Variants in MAML2 observed in about 807,000 individuals in gnomAD.
The protein encoded by MAML2 is mastermind-like protein 2.
MAML2 carries 22 observed loss-of-function variants against 96.1 expected under a neutral mutation model. The observed-to-expected ratio is 0.23, with a 90% CI of 0.16 to 0.33. The LOEUF is 0.33. Among genes scored for constraint, MAML2 ranks in the 10% least tolerant of loss-of-function variants. The pLI is 1.00. For missense variants in MAML2, 1,367 were observed against 1,392.4 expected, an observed-to-expected ratio of 0.98 and a Z score of 0.29; for synonymous variants, 561 against 521.3, an observed-to-expected ratio of 1.08 and a Z score of -1.04.
At chr11:96,103,882 T>A (rs1326074134) in intron 1 of MAML2, among the ~76,000 whole-genome samples, 3 of 152,228 alleles carry the variant, frequency 2.0e-5, no homozygotes, top group Non-Finnish European at 4.4e-5. Context: ...TGTTTGTTTG[T>A]TTTTCATTCT....
At chr11:96,164,424 T>C (rs754648228) in intron 1 of MAML2, among the ~76,000 whole-genome samples, 1 of 152,208 alleles carries the variant, frequency 6.6e-6, no homozygotes, top group African/African-American at 2.4e-5. Context: ...CTGTCCTTTT[T>C]TCCCTATCAC....
intron 1 of MAML2, among the ~76,000 whole-genome samples, chr11:96,211,344 C>T (rs1180930280): frequency 6.6e-6 from 1 of 151,354 alleles, no homozygotes; most frequent in African/African-American, 2.4e-5. Context: ...AAACAATATT[C>T]CTCTGATCTT....
At chr11:96,249,197 A>G (rs1862550723) in intron 1 of MAML2, among the ~76,000 whole-genome samples, 1 of 152,158 alleles carries the variant, frequency 6.6e-6, no homozygotes, top group Non-Finnish European at 1.5e-5. Flanking sequence ...CTTTTGGGGC[A>G]CTATTTTCTC....
chr11:96,019,619 T>C (rs1270422695), intron 2 of MAML2, among the ~76,000 whole-genome samples: 1 of 150,988 alleles, frequency 6.6e-6, no homozygotes, highest in Non-Finnish European at 1.5e-5. Flanking sequence ...ACTTTCTGAG[T>C]CCTGTAAAAA....
chr11:96,015,336 C>T (rs1232486133), intron 2 of MAML2, among the ~76,000 whole-genome samples: 2 of 152,078 alleles, frequency 1.3e-5, no homozygotes, highest in Non-Finnish European at 2.9e-5. Flanking sequence ...TTCATTTTTC[C>T]AAACCCCAGT....
At chr11:96,008,014 C>T (rs1858211983) in intron 2 of MAML2, among the ~76,000 whole-genome samples, 2 of 118,804 alleles carry the variant, frequency 1.7e-5, no homozygotes, top group South Asian at 7.1e-4. Context: ...TACCCTAAAA[C>T]TTAAAGTATA....
intron 2 of MAML2, 134 bp downstream of exon 2, chr11:96,091,758 C>G: frequency 7.6e-7 from 1 of 1,315,568 alleles, no homozygotes; most frequent in Non-Finnish European, 1.0e-6. Context: ...ATGAGGTCTT[C>G]ATATGACTCC....
chr11:96,109,897 G>A (rs1000974563), intron 1 of MAML2, among the ~76,000 whole-genome samples: 2 of 152,164 alleles, frequency 1.3e-5, no homozygotes, highest in African/African-American at 4.8e-5. Flanking sequence ...GAATGAATGT[G>A]GCTGTGAGTG....
intron 1 of MAML2, among the ~76,000 whole-genome samples, chr11:96,139,484 A>C (rs1489177457): frequency 2.6e-5 from 4 of 152,010 alleles, no homozygotes; most frequent in African/African-American, 9.7e-5. Flanking sequence ...CTTAAAAAAA[A>C]AAAAAAGACA....
chr11:96,039,462 C>T (rs933759020), intron 2 of MAML2, among the ~76,000 whole-genome samples: 2 of 151,774 alleles, frequency 1.3e-5, no homozygotes, highest in African/African-American at 2.4e-5. Flanking sequence ...ATAAAAGTAA[C>T]ATAGGAGGAG....
At chr11:96,274,168 C>T (rs1050951878) in intron 1 of MAML2, among the ~76,000 whole-genome samples, 1 of 150,762 alleles carries the variant, frequency 6.6e-6, no homozygotes, top group East Asian at 1.9e-4. Flanking sequence ...CTGCAAGCTC[C>T]GCCTCGCGGG....
At chr11:96,250,035 C>T (rs980360061) in intron 1 of MAML2, among the ~76,000 whole-genome samples, 14 of 152,250 alleles carry the variant, frequency 9.2e-5, no homozygotes, top group Admixed American at 2.0e-4. Context: ...TTTGCACTTG[C>T]TATTCCCTCT....
At chr11:96,248,666 C>G (rs141256716) in intron 1 of MAML2, among the ~76,000 whole-genome samples, 142 of 152,234 alleles carry the variant, frequency 9.3e-4, no homozygotes, top group African/African-American at 3.2e-3. Flanking sequence ...TACAAACATG[C>G]CACTGTATTT....
intron 1 of MAML2, among the ~76,000 whole-genome samples, chr11:96,276,767 T>C (rs1862993477): frequency 6.7e-6 from 1 of 148,676 alleles, no homozygotes; most frequent in South Asian, 2.1e-4. Flanking sequence ...TAGCTCCCCA[T>C]TTTCATAATT....
At chr11:96,274,218 G>A (rs1214308066) in intron 1 of MAML2, among the ~76,000 whole-genome samples, 1 of 151,700 alleles carries the variant, frequency 6.6e-6, no homozygotes, top group East Asian at 1.9e-4. Flanking sequence ...TGCTAGCTGG[G>A]ACCACAGGAG....
At chr11:96,074,764 G>A (rs1859408128) in intron 2 of MAML2, among the ~76,000 whole-genome samples, 1 of 152,234 alleles carries the variant, frequency 6.6e-6, no homozygotes, top group South Asian at 2.1e-4. Flanking sequence ...TCCTGTGTCT[G>A]TCTGAGATTT....
At position 96,093,371 on chromosome 11, in the gene MAML2, T is replaced by C; in HGVS notation, c.660A>G (p.Gln220=). 1 of 1,614,032 alleles carries C rather than the reference T, an allele frequency of 6.2e-7. No individual in the cohort carries two copies. Among genetic ancestry groups the C allele is most frequent in the East Asian group, 2.2e-5 (1 of 44,888 alleles). ...ENLSAGQGGL[Q]INNGQSQIMS... ...TAATCTGACTTTGTCCATTGTTTAT[T>C]TGGAGGCCACCTTGTCCTGCAGAGA... is the stretch of plus-strand genomic sequence containing the variant. The change falls in exon 2 of 5, where the codon CAA becomes CAG. Residue 220 remains glutamine, a synonymous_variant. Transcript: ENST00000524717.
intron 2 of MAML2, among the ~76,000 whole-genome samples, chr11:95,995,999 C>T (rs1322215245): frequency 1.3e-5 from 2 of 152,134 alleles, no homozygotes; most frequent in Non-Finnish European, 2.9e-5. Flanking sequence ...CAGATCATGG[C>T]ATACATTTAC....
chr11:96,214,646 T>A (rs768208918), intron 1 of MAML2, among the ~76,000 whole-genome samples: 1 of 152,182 alleles, frequency 6.6e-6, no homozygotes, highest in Non-Finnish European at 1.5e-5. Flanking sequence ...GAGAAGCACT[T>A]ATAGTCATGC....
Sources: allele counts gnomAD v4.1 joint callset (sites outside exome capture counted in the v4.1 genomes callset), GRCh38; gene constraint gnomAD v4.1.1; transcripts MANE v1.5; gene names NCBI Gene and HGNC (gene_info 2026-07-23, HGNC 2026-07-21).